CPQ: variants seen among roughly 807,000 people sequenced by gnomAD.
CPQ encodes the protein carboxypeptidase Q, also known as Ser-Met dipeptidase.
In CPQ, 37 loss-of-function variants were observed where a neutral mutation model predicts 45.7. The observed-to-expected ratio is 0.81, with a 90% CI of 0.62 to 1.07. The LOEUF (loss-of-function observed/expected upper bound fraction) is 1.07. Among genes scored for constraint, CPQ ranks in the 50% least tolerant of loss-of-function variants. The pLI is 0.00. For synonymous variants in CPQ, 186 were observed against 205.8 expected (o/e 0.90, Z 0.82); for missense variants, 537 against 572.9 (o/e 0.94, Z 0.64).
chr8:96,995,298 TATC>T (rs929208956), intron 5 of CPQ, among the ~76,000 whole-genome samples: 1 of 152,078 alleles, frequency 6.6e-6, no homozygotes, highest in Non-Finnish European at 1.5e-5. Context: ...GCTCAAGAAA[TATC>T]ATTATAGTGA....
chr8:97,029,928 T>C lies in CPQ; in HGVS notation c.1053+434T>C, dbSNP rs75922376. On this transcript the variant is annotated intron_variant, in intron 6 of 7. Coordinates refer to ENST00000220763, the MANE Select transcript of CPQ (RefSeq NM_016134.4). The stretch of plus-strand genomic sequence containing the variant: ...ATTGAGTCTGCCAAGAGCATTGCCA[T>C]GATGGTGGTGGAAATGGCAGCAGCC... 1.1e-3 allele frequency among the ~76,000 whole-genome samples: 173 copies of C among 152,110 alleles called. 5 individuals are homozygous for C. In the East Asian group the frequency reaches 0.029, roughly 26 times the overall value.
Position 96,847,824 on chromosome 8 carries a change from A to G in CPQ, c.641+12644A>G, listed in dbSNP as rs1422122906. Among the ~76,000 whole-genome samples the G allele has an allele frequency of 1.4e-4, 20 of 140,710 alleles. No homozygotes were observed. The East Asian group carries it at 2.5e-3, about 18-fold the overall frequency. 92.3% of individuals were successfully genotyped at this position (140,710 alleles called of 152,430 possible). A position where few individuals can be genotyped will look rare whatever the true frequency, so the allele number is the denominator to read the frequency against. On this transcript the variant is annotated intron_variant, in intron 3 of 7. Transcript: ENST00000220763. The stretch of plus-strand genomic sequence containing the variant: ...ATTGCTTCTGAGTTTCTGCAGACTG[A>G]TATTTGTTTTCCTTTTTTTTTTTTT...
Position 96,774,510 on chromosome 8 carries a change from T to C in CPQ, c.-34-10354T>C, listed in dbSNP as rs540436355. 1.3e-4 allele frequency among the ~76,000 whole-genome samples: 19 copies of C among 151,978 alleles called. 1 individual carries two copies. Among genetic ancestry groups the C allele is most frequent in the Middle Eastern group, 6.8e-3 (2 of 292 alleles). ...ATGTGTCACATGAGTGATAATGAGG[T>C]TGTGAGCTAGGGAAGTGATGGTAAG... On this transcript the variant is annotated intron_variant, in intron 1 of 7. Coordinates refer to ENST00000220763, the MANE Select transcript of CPQ (RefSeq NM_016134.4).
chr8:96,817,884 G>A (rs1811250877), intron 2 of CPQ, among the ~76,000 whole-genome samples: 1 of 151,958 alleles, frequency 6.6e-6, no homozygotes, highest in African/African-American at 2.4e-5. Flanking sequence ...CAAATTGCTG[G>A]GATTACAGCA....
intron 1 of CPQ, among the ~76,000 whole-genome samples, chr8:96,661,777 G>A (rs1211545811): frequency 1.3e-5 from 2 of 152,158 alleles, no homozygotes; most frequent in East Asian, 3.8e-4. Flanking sequence ...GTGTTTACAT[G>A]TTTTCAATCC....
intron 7 of CPQ, among the ~76,000 whole-genome samples, chr8:97,081,352 C>G (rs1346362619): frequency 1.3e-5 from 2 of 152,140 alleles, no homozygotes; most frequent in African/African-American, 2.4e-5. Context: ...GTTGCCCCCC[C>G]ATACGCTTAA....
intron 1 of CPQ, among the ~76,000 whole-genome samples, chr8:96,673,325 G>A (rs1240171569): frequency 6.6e-6 from 1 of 152,086 alleles, no homozygotes; most frequent in East Asian, 1.9e-4. Flanking sequence ...GTTTCCCATT[G>A]GTTACTTGGT....
rs559043245 is a variant in CPQ, at chr8:96,756,093, A to T, written c.-34-28771A>T. 3.3e-3 allele frequency among the ~76,000 whole-genome samples: 504 copies of T among 152,208 alleles called. 2 individuals are homozygous for T. Among genetic ancestry groups the T allele is most frequent in the African/African-American group, 0.012 (480 of 41,580 alleles). On this transcript the variant is annotated intron_variant, in intron 1 of 7. Coordinates refer to ENST00000220763, the MANE Select transcript of CPQ (RefSeq NM_016134.4). ...TTTAGATCTTTCATTCTTAATTAGT[A>T]ACTATAGACTTTATCTATTGATTCT...
At chr8:96,774,878 TTTATAAG>T (rs1330106452) in intron 1 of CPQ, among the ~76,000 whole-genome samples, 3 of 152,136 alleles carry the variant, frequency 2.0e-5, no homozygotes, top group African/African-American at 7.2e-5. Flanking sequence ...TTAAAAGTAG[TTTATAAG>T]TTGGAAATGT....
chr8:96,887,281 A>G (rs950366268), intron 4 of CPQ, among the ~76,000 whole-genome samples: 14 of 152,214 alleles, frequency 9.2e-5, no homozygotes, highest in Non-Finnish European at 1.6e-4. Context: ...GTTCAAATGT[A>G]TGCTTTGACC....
At chr8:96,928,235 TTCCTCCTTTGTGCTTTTCCAA>T (rs1438540448) in intron 4 of CPQ, among the ~76,000 whole-genome samples, 3 of 152,098 alleles carry the variant, frequency 2.0e-5, no homozygotes, top group Non-Finnish European at 2.9e-5. Flanking sequence ...ACTAATAACC[TTCCTCCTTTGTGCTTTTCCAA>T]AGAATGTAAA....
chr8:97,050,150 G>T (rs1406830505), intron 6 of CPQ, among the ~76,000 whole-genome samples: 5 of 152,108 alleles, frequency 3.3e-5, no homozygotes, highest in Admixed American at 6.6e-5. Flanking sequence ...CTATTCTGAA[G>T]ATTTGGCGAT....
chr8:97,011,290 C>G (rs1489599530), intron 5 of CPQ, among the ~76,000 whole-genome samples: 1 of 152,192 alleles, frequency 6.6e-6, no homozygotes, highest in African/African-American at 2.4e-5. Flanking sequence ...TCACCCACAC[C>G]AACCAAACAC....
chr8:96,871,825 A>C (rs921838371), intron 3 of CPQ, among the ~76,000 whole-genome samples: 1 of 151,750 alleles, frequency 6.6e-6, no homozygotes, highest in African/African-American at 2.4e-5. Flanking sequence ...CTCTTTTGCC[A>C]CTTCCTCTCC....
intron 7 of CPQ, among the ~76,000 whole-genome samples, chr8:97,109,108 C>A (rs1290554023): frequency 2.0e-5 from 3 of 152,192 alleles, no homozygotes; most frequent in Non-Finnish European, 2.9e-5. Flanking sequence ...TACTTCTCTT[C>A]TTCCTGACTT....
chr8:97,046,819 C>G (rs1432538643), intron 6 of CPQ, among the ~76,000 whole-genome samples: 1 of 152,130 alleles, frequency 6.6e-6, no homozygotes, highest in Non-Finnish European at 1.5e-5. Flanking sequence ...TTTATTATAA[C>G]TCACAGAGCC....
At chr8:96,745,045 C>CA (rs780037694) in intron 1 of CPQ, among the ~76,000 whole-genome samples, 1 of 152,210 alleles carries the variant, frequency 6.6e-6, no homozygotes, top group Non-Finnish European at 1.5e-5. Flanking sequence ...TGCAGTGGCT[C>CA]ACGCCTGTAA....
intron 7 of CPQ, among the ~76,000 whole-genome samples, chr8:97,093,529 T>C (rs2513356): frequency 0.98 from 148,940 of 152,292 alleles, 72,914 homozygotes; most frequent in African/African-American, 1. Context: ...CAAACCTGCA[T>C]ATATACCCCC....
At chr8:97,079,451 TAAG>T (rs1810910607) in intron 7 of CPQ, among the ~76,000 whole-genome samples, 1 of 152,220 alleles carries the variant, frequency 6.6e-6, no homozygotes, top group Non-Finnish European at 1.5e-5. Flanking sequence ...CATAATTTCA[TAAG>T]AACATTTTGA....
Sources: gnomAD v4.1 joint callset for allele counts (sites outside exome capture counted in the v4.1 genomes callset) on GRCh38, gnomAD v4.1.1 for gene constraint, MANE v1.5 for transcripts, NCBI Gene and HGNC (gene_info 2026-07-23, HGNC 2026-07-21) for gene names.